Variants in BMPER observed in about 807,000 individuals in gnomAD.
BMPER encodes BMP binding endothelial regulator.
In BMPER, 45 loss-of-function variants were observed where a neutral mutation model predicts 87.3. That is an observed-to-expected ratio of 0.52 (90% CI 0.41 to 0.66). The LOEUF is 0.66. Among genes scored for constraint, BMPER ranks in the 30% least tolerant of loss-of-function variants. The pLI, the probability that BMPER is intolerant of heterozygous loss-of-function variation, is 0.00. For missense variants in BMPER, 784 were observed against 867.5 expected (o/e 0.90, Z 1.21); for synonymous variants, 326 against 316.2 (o/e 1.03, Z -0.33).
chr7:33,944,527 G>A (rs938094471), intron 3 of BMPER, among the ~76,000 whole-genome samples: 11 of 152,230 alleles, frequency 7.2e-5, no homozygotes, highest in Middle Eastern at 3.4e-3. Context: ...CATATTCTGC[G>A]TTAGAAACCT....
At chr7:34,052,125 A>G (rs1391829900) in intron 8 of BMPER, among the ~76,000 whole-genome samples, 155 bp downstream of exon 8, 2 of 152,218 alleles carry the variant, frequency 1.3e-5, no homozygotes, top group African/African-American at 4.8e-5. Context: ...AAGGTCACCA[A>G]GGACTTACAC....
intron 13 of BMPER, among the ~76,000 whole-genome samples, chr7:34,127,882 A>C (rs1260269624): frequency 1.3e-5 from 2 of 152,194 alleles, no homozygotes; most frequent in South Asian, 2.1e-4. Context: ...TAATCCCTAC[A>C]TAACTTCTTT....
chr7:33,959,041 T>G (rs1785210812), intron 3 of BMPER, among the ~76,000 whole-genome samples: 1 of 152,160 alleles, frequency 6.6e-6, no homozygotes, highest in Non-Finnish European at 1.5e-5. Context: ...GAGAAGTCCT[T>G]TTGCTCTTCC....
intron 6 of BMPER, among the ~76,000 whole-genome samples, chr7:34,032,571 C>G (rs540068884): frequency 6.6e-6 from 1 of 152,200 alleles, no homozygotes; most frequent in African/African-American, 2.4e-5. Context: ...TACACAGATT[C>G]GTAGCTTTTT....
intron 6 of BMPER, among the ~76,000 whole-genome samples, chr7:33,999,829 C>G (rs1786529748): frequency 6.6e-6 from 1 of 152,196 alleles, no homozygotes; most frequent in Admixed American, 6.5e-5. Context: ...ATCCTCCAGG[C>G]TTTTCTTTCT....
chr7:33,929,961 A>C (rs1784443254), intron 2 of BMPER, among the ~76,000 whole-genome samples: 1 of 152,210 alleles, frequency 6.6e-6, no homozygotes, highest in Admixed American at 6.5e-5. Context: ...TGACTATGGA[A>C]GGGATTTGCA....
At chr7:33,906,108 T>A (rs1255831025) in intron 1 of BMPER, among the ~76,000 whole-genome samples, 1 of 152,204 alleles carries the variant, frequency 6.6e-6, no homozygotes, top group African/African-American at 2.4e-5. Flanking sequence ...ATCTTTGGGG[T>A]TGCAATACAT....
At chr7:33,966,891 T>C (rs1785419797) in intron 4 of BMPER, among the ~76,000 whole-genome samples, 1 of 152,240 alleles carries the variant, frequency 6.6e-6, no homozygotes, top group Non-Finnish European at 1.5e-5. Flanking sequence ...AAACATGAAT[T>C]CCTCTTAGCA....
intron 11 of BMPER, among the ~76,000 whole-genome samples, chr7:34,077,095 G>A (rs1031903467): frequency 3.9e-5 from 6 of 152,152 alleles, no homozygotes; most frequent in African/African-American, 1.4e-4. Flanking sequence ...GCCACTTGGG[G>A]TCCCAAAGAA....
intron 13 of BMPER, among the ~76,000 whole-genome samples, chr7:34,125,667 G>A (rs1177542682): frequency 6.6e-6 from 1 of 152,202 alleles, no homozygotes; most frequent in East Asian, 1.9e-4. Flanking sequence ...CAGCATGACA[G>A]AGAGAAATAA....
intron 4 of BMPER, among the ~76,000 whole-genome samples, chr7:33,967,369 G>A (rs1785431537): frequency 1.3e-5 from 2 of 152,298 alleles, no homozygotes; most frequent in African/African-American, 4.8e-5. Context: ...GAAATTGAAA[G>A]GTTAGTATAA....
At chr7:34,140,655 A>G (rs1216637099) in intron 13 of BMPER, among the ~76,000 whole-genome samples, 3 of 12,710 alleles carry the variant, frequency 2.4e-4, no homozygotes, top group African/African-American at 3.8e-4. Context: ...AACAGTCTCA[A>G]TGATTGGATT....
chr7:33,917,683 G>A lies in BMPER; in HGVS notation c.219+10780G>A, dbSNP rs548553303. ...AAAGAGAAGGATAGAATACAAATAA[G>A]GAAGATAATGATCATTGCATTTTAA... is the stretch of plus-strand genomic sequence containing the variant. On this transcript the variant is annotated intron_variant, in intron 2 of 14. Transcript: ENST00000649409. Among the ~76,000 whole-genome samples the A allele has an allele frequency of 2.0e-5, 3 of 152,276 alleles. No individual in the cohort carries two copies. In the South Asian group the frequency reaches 6.2e-4, roughly 32 times the overall value.
intron 3 of BMPER, among the ~76,000 whole-genome samples, chr7:33,940,244 C>T (rs912418104): frequency 1.3e-5 from 2 of 152,122 alleles, no homozygotes; most frequent in African/African-American, 4.8e-5. Context: ...TCCTACTTAA[C>T]ATTAGGGCAT....
chr7:34,063,096 C>T (rs1788483973), intron 11 of BMPER, among the ~76,000 whole-genome samples: 1 of 152,150 alleles, frequency 6.6e-6, no homozygotes, highest in South Asian at 2.1e-4. Context: ...AGATAGCTTC[C>T]TGGAGTGTTT....
intron 6 of BMPER, among the ~76,000 whole-genome samples, chr7:34,026,079 G>A (rs1267785694): frequency 2.0e-5 from 3 of 152,020 alleles, no homozygotes; most frequent in Non-Finnish European, 4.4e-5. Flanking sequence ...ATAGTCCTTT[G>A]TGGCCTGGCA....
At chr7:34,019,020 G>A (rs1327442695) in intron 6 of BMPER, among the ~76,000 whole-genome samples, 3 of 151,930 alleles carry the variant, frequency 2.0e-5, no homozygotes, top group Non-Finnish European at 4.4e-5. Flanking sequence ...GCAACTGCAA[G>A]TTTCCAAAGG....
At chr7:33,964,604 A>G (rs1460670068) in intron 3 of BMPER, among the ~76,000 whole-genome samples, 1 of 152,168 alleles carries the variant, frequency 6.6e-6, no homozygotes, top group Non-Finnish European at 1.5e-5. Context: ...ATTTATTCCA[A>G]TACCTTTTAT....
chr7:34,129,886 G>A (rs1214204415), intron 13 of BMPER, among the ~76,000 whole-genome samples: 1 of 152,100 alleles, frequency 6.6e-6, no homozygotes, highest in Non-Finnish European at 1.5e-5. Flanking sequence ...ATTTGGATTA[G>A]CACCTTGGTC....
Sources: allele counts gnomAD v4.1 joint callset (sites outside exome capture counted in the v4.1 genomes callset), GRCh38; gene constraint gnomAD v4.1.1; transcripts MANE v1.5; gene names NCBI Gene and HGNC (gene_info 2026-07-23, HGNC 2026-07-21).